Variants in DCDC1 observed in about 807,000 individuals in gnomAD.
DCDC1 encodes doublecortin domain-containing protein 1.
Under a neutral mutation model 178.3 loss-of-function variants are expected in DCDC1, and 200 were observed. The observed-to-expected ratio is 1.12, with a 90% CI of 1.00 to 1.26. DCDC1 has a LOEUF of 1.26. Among genes scored for constraint, DCDC1 ranks in the 50% most tolerant of loss-of-function variants. DCDC1 has a pLI of 0.00. For missense variants in DCDC1, 1,983 were observed against 1,749.2 expected, an observed-to-expected ratio of 1.13 and a Z score of -2.38; for synonymous variants, 690 against 604.8, an observed-to-expected ratio of 1.14 and a Z score of -2.07.
rs138453511 is a variant in DCDC1 at position 31,102,860 on chromosome 11, A to C, written c.1878-578T>G. Among the ~76,000 whole-genome samples, 303 of 152,320 alleles carry C rather than the reference A, an allele frequency of 2.0e-3. 1 individual carries two copies. The highest frequency in any genetic ancestry group is 7.0e-3 in the African/African-American group (291 of 41,580). On this transcript the variant is annotated intron_variant, in intron 14 of 38. Coordinates refer to ENST00000684477, the MANE Select transcript of DCDC1 (RefSeq NM_001387274.1). The stretch of plus-strand genomic sequence containing the variant: ...CAGAAAGTTTTATTGGACGGCACTA[A>C]ATAGTGATTAAGCACTCAGGTACTT...
chr11:31,130,517 C>G (rs1047954712), intron 10 of DCDC1, among the ~76,000 whole-genome samples: 2 of 152,096 alleles, frequency 1.3e-5, no homozygotes, highest in African/African-American at 2.4e-5. Flanking sequence ...CTGAGAAAGA[C>G]ATACTGGTGA....
chr11:31,364,320 G>C (rs1401152456), intron 1 of DCDC1, among the ~76,000 whole-genome samples: 1 of 152,090 alleles, frequency 6.6e-6, no homozygotes, highest in Admixed American at 6.6e-5. Context: ...TAGTTGGAAA[G>C]TGCATAGAAA....
intron 20 of DCDC1, among the ~76,000 whole-genome samples, chr11:31,061,954 T>C (rs936054258): frequency 6.6e-6 from 1 of 152,074 alleles, no homozygotes; most frequent in African/African-American, 2.4e-5. Flanking sequence ...AGTCATCAGA[T>C]TGCATTGCCT....
At chr11:31,022,920 C>T (rs1019310776) in intron 20 of DCDC1, among the ~76,000 whole-genome samples, 4 of 152,056 alleles carry the variant, frequency 2.6e-5, no homozygotes, top group African/African-American at 7.2e-5. Flanking sequence ...TAATGTCACA[C>T]TGTGACTTTT....
intron 1 of DCDC1, among the ~76,000 whole-genome samples, chr11:31,340,838 T>G (rs1213354085): frequency 6.6e-6 from 1 of 152,134 alleles, no homozygotes; most frequent in Non-Finnish European, 1.5e-5. Context: ...AAAAATCAAT[T>G]AATCTTCCTC....
intron 3 of DCDC1, among the ~76,000 whole-genome samples, chr11:31,322,505 G>T (rs1949419936): frequency 6.6e-6 from 1 of 152,074 alleles, no homozygotes; most frequent in Non-Finnish European, 1.5e-5. Context: ...ACCCTGGCAG[G>T]TTAAGTAATC....
intron 21 of DCDC1, among the ~76,000 whole-genome samples, chr11:30,939,941 T>C (rs192892982): frequency 7.2e-4 from 109 of 152,354 alleles, no homozygotes; most frequent in Non-Finnish European, 1.4e-3. Flanking sequence ...ATTTTTTCTA[T>C]GGTTTTTGGA....
At chr11:31,027,982 T>C (rs1446237665) in intron 20 of DCDC1, among the ~76,000 whole-genome samples, 2 of 151,792 alleles carry the variant, frequency 1.3e-5, no homozygotes, top group East Asian at 3.9e-4. Context: ...ATTGTACCTA[T>C]TATTACACTC....
At chr11:31,094,209 T>G in intron 15 of DCDC1, 25 bp from the exon 16 acceptor site, 1 of 765,340 alleles carries the variant, frequency 1.3e-6, no homozygotes, top group Non-Finnish European at 2.4e-6. Context: ...GAAGTATGCA[T>G]TTTTAACTCA....
In DCDC1 at chr11:31,070,654, A is replaced by C. The variant is rs572391796; in HGVS notation, c.2299-5501T>G. 1.5e-4 allele frequency among the ~76,000 whole-genome samples: 23 copies of C among 152,300 alleles called. No individual in the cohort carries two copies. The South Asian group carries it at 4.8e-3, about 32-fold the overall frequency. The stretch of plus-strand genomic sequence containing the variant: ...AAGTTTTCCCACTAAAGATTGAGTA[A>C]GAACATGATCGGAATTTCACATTTA... On this transcript the variant is annotated intron_variant, in intron 18 of 38. Transcript: ENST00000684477.
At chr11:31,000,168 A>C (rs1463026468) in intron 20 of DCDC1, among the ~76,000 whole-genome samples, 1 of 152,202 alleles carries the variant, frequency 6.6e-6, no homozygotes, top group African/African-American at 2.4e-5. Context: ...ACAAACATTG[A>C]ATTGCTTAAT....
At chr11:30,946,494 T>C (rs1948065012) in intron 21 of DCDC1, among the ~76,000 whole-genome samples, 1 of 152,200 alleles carries the variant, frequency 6.6e-6, no homozygotes, top group South Asian at 2.1e-4. Context: ...TTAACAAAAC[T>C]TATGTTTTCC....
intron 9 of DCDC1, among the ~76,000 whole-genome samples, chr11:31,185,557 A>C (rs574980065): frequency 6.6e-6 from 1 of 152,204 alleles, no homozygotes; most frequent in East Asian, 1.9e-4. Context: ...AGCTTCCAAA[A>C]CTCTGCTCAG....
intron 3 of DCDC1, among the ~76,000 whole-genome samples, chr11:31,315,066 T>C (rs533420570): frequency 6.6e-6 from 1 of 152,278 alleles, no homozygotes; most frequent in East Asian, 1.9e-4. Context: ...AAGTAGACCA[T>C]AAGAATTAAG....
chr11:31,111,241 T>C (rs193118420), intron 11 of DCDC1, among the ~76,000 whole-genome samples: 6 of 152,218 alleles, frequency 3.9e-5, no homozygotes, highest in Admixed American at 3.9e-4. Context: ...ATTTTATTTA[T>C]TTCTAGTGCT....
chr11:31,018,493 A>G (rs1161573333), intron 20 of DCDC1, among the ~76,000 whole-genome samples: 4 of 152,142 alleles, frequency 2.6e-5, no homozygotes, highest in Non-Finnish European at 5.9e-5. Context: ...TCGTCCTTTT[A>G]TGTTTGCTAC....
At chr11:31,271,646 T>G (rs1945558026) in intron 7 of DCDC1, among the ~76,000 whole-genome samples, 1 of 152,222 alleles carries the variant, frequency 6.6e-6, no homozygotes, top group Non-Finnish European at 1.5e-5. Flanking sequence ...TTTAAAATTC[T>G]TACTTGTTTT....
chr11:31,105,815 T>C (rs1958808436), intron 13 of DCDC1, among the ~76,000 whole-genome samples: 1 of 152,128 alleles, frequency 6.6e-6, no homozygotes, highest in Non-Finnish European at 1.5e-5. Flanking sequence ...TTTTAACTAT[T>C]TGAATATATA....
At chr11:31,024,872 C>T (rs1406556283) in intron 20 of DCDC1, among the ~76,000 whole-genome samples, 3 of 151,736 alleles carry the variant, frequency 2.0e-5, no homozygotes, top group Non-Finnish European at 3.0e-5. Context: ...GTTTATTTAG[C>T]CCCCATGGTC....
Sources: gnomAD v4.1 joint callset for allele counts (sites outside exome capture counted in the v4.1 genomes callset) on GRCh38, gnomAD v4.1.1 for gene constraint, MANE v1.5 for transcripts, NCBI Gene and HGNC (gene_info 2026-07-23, HGNC 2026-07-21) for gene names.